Variants in MAMDC2 observed in about 807,000 individuals in gnomAD.
The protein encoded by MAMDC2 is MAM domain-containing protein 2.
Under a neutral mutation model 89.8 loss-of-function variants are expected in MAMDC2, and 57 were observed. That is an observed-to-expected ratio of 0.63 (90% CI 0.51 to 0.79). The LOEUF is 0.79. Ranked by LOEUF, MAMDC2 falls within the 30% of genes least tolerant of loss-of-function variation. MAMDC2 has a pLI of 0.00. For synonymous variants in MAMDC2, 313 were observed against 293.4 expected (o/e 1.07, Z -0.68); for missense variants, 800 against 820.6 (o/e 0.97, Z 0.31).
chr9:70,187,252 C>A (rs1001908593), intron 11 of MAMDC2, among the ~76,000 whole-genome samples: 5 of 151,880 alleles, frequency 3.3e-5, no homozygotes, highest in African/African-American at 9.7e-5. Context: ...TATTATATAT[C>A]CTTCATGCTC....
intron 2 of MAMDC2, among the ~76,000 whole-genome samples, chr9:70,065,247 A>C (rs1827238551): frequency 6.6e-6 from 1 of 152,190 alleles, no homozygotes; most frequent in Non-Finnish European, 1.5e-5. Context: ...TGTGGTGAAC[A>C]TTCTAGTACA....
intron 11 of MAMDC2, among the ~76,000 whole-genome samples, chr9:70,180,054 C>T (rs2032605980): frequency 6.6e-6 from 1 of 151,652 alleles, no homozygotes. Flanking sequence ...TGATGCTCCC[C>T]TCCCTGTGTC....
chr9:70,095,544 TG>T (rs1299629062), intron 2 of MAMDC2, among the ~76,000 whole-genome samples: 1 of 152,086 alleles, frequency 6.6e-6, no homozygotes, highest in Non-Finnish European at 1.5e-5. Context: ...ACTAGATAGC[TG>T]GGGGTTCCAT....
intron 2 of MAMDC2, among the ~76,000 whole-genome samples, chr9:70,063,765 G>A (rs1827202469): frequency 6.6e-6 from 1 of 152,094 alleles, no homozygotes; most frequent in African/African-American, 2.4e-5. Flanking sequence ...CTGTTGAACA[G>A]ATTACAAGCC....
intron 9 of MAMDC2, among the ~76,000 whole-genome samples, chr9:70,148,402 A>G (rs1301104193): frequency 6.7e-6 from 1 of 150,116 alleles, no homozygotes; most frequent in Admixed American, 6.7e-5. Flanking sequence ...AGACACAGCA[A>G]TCTCTCTAGT....
chr9:70,112,917 A>G, intron 4 of MAMDC2, 78 bp from the exon 5 acceptor site: 1 of 1,561,128 alleles, frequency 6.4e-7, no homozygotes, highest in Admixed American at 1.7e-5. Flanking sequence ...TGAATATCTA[A>G]GAGCAAACTC....
At chr9:70,202,105 G>A (rs1311192744) in intron 11 of MAMDC2, among the ~76,000 whole-genome samples, 1 of 151,880 alleles carries the variant, frequency 6.6e-6, no homozygotes, top group Non-Finnish European at 1.5e-5. Context: ...GCTTTTGAAT[G>A]TGTTTGCTCT....
intron 2 of MAMDC2, among the ~76,000 whole-genome samples, chr9:70,071,191 T>A (rs1827399119): frequency 6.6e-6 from 1 of 152,142 alleles, no homozygotes; most frequent in Non-Finnish European, 1.5e-5. Flanking sequence ...GTTTTAAGTA[T>A]CTATTCCTTG....
chr9:70,212,654 G>C (rs1007905058), intron 11 of MAMDC2, among the ~76,000 whole-genome samples: 1 of 152,150 alleles, frequency 6.6e-6, no homozygotes, highest in Non-Finnish European at 1.5e-5. Flanking sequence ...CCAGTGAGAT[G>C]AACCCAGTAC....
chr9:70,044,016 G>A lies in MAMDC2; in HGVS notation c.-182G>A. On this transcript the variant is annotated 5_prime_UTR_variant, in exon 1 of 14. Transcript: ENST00000377182. ...CCATTCGAGCACCTTCCAGCATACCGCTCGGCTCCGGGAGCCGCTCTGCAA... is the reference window on the plus strand; with the variant it reads ...CCATTCGAGCACCTTCCAGCATACCACTCGGCTCCGGGAGCCGCTCTGCAA... The A allele has an allele frequency of 1.5e-6, 1 of 672,768 alleles. No individual in the cohort carries two copies. The highest frequency in any genetic ancestry group is 1.8e-5 in the South Asian group (1 of 54,316). 41.7% of individuals were successfully genotyped at this position (672,768 alleles called of 1,614,324 possible). A position where few individuals can be genotyped will look rare whatever the true frequency, so the allele number is the denominator to read the frequency against.
At chr9:70,188,161 T>C (rs545181462) in intron 11 of MAMDC2, among the ~76,000 whole-genome samples, 18 of 152,320 alleles carry the variant, frequency 1.2e-4, no homozygotes, top group Non-Finnish European at 2.1e-4. Flanking sequence ...ATGAATGGTA[T>C]ATCATTTTCC....
intron 2 of MAMDC2, among the ~76,000 whole-genome samples, chr9:70,053,482 A>G (rs1170882951): frequency 1.3e-5 from 2 of 152,224 alleles, no homozygotes; most frequent in African/African-American, 2.4e-5. Context: ...TAGGGTTCAC[A>G]GTCATGGTCC....
At position 70,044,595 on chromosome 9, in the gene MAMDC2, G is replaced by T. The variant is rs781194011; in HGVS notation, c.46G>T (p.Ala16Ser). ...VLLALQALQL[A>S]GALDLPAGSC... ...CTTTGTGCCCGCAGCCCTGCAGCTC[G>T]CCGGTGCCCTCGACCTGCCCGCTGG... is the stretch of plus-strand genomic sequence containing the variant. The change falls in exon 2 of 14, where the codon GCC (alanine) becomes TCC (serine). Residue 16 changes from alanine to serine, a missense_variant. Coordinates refer to ENST00000377182, the MANE Select transcript of MAMDC2 (RefSeq NM_153267.5). 1 of 1,550,132 alleles carries T rather than the reference G, an allele frequency of 6.5e-7. No individual in the cohort carries two copies. Among genetic ancestry groups the T allele is most frequent in the Non-Finnish European group, 8.7e-7 (1 of 1,146,892 alleles).
At chr9:70,103,902 A>G (rs1264829932) in intron 2 of MAMDC2, among the ~76,000 whole-genome samples, 1 of 151,808 alleles carries the variant, frequency 6.6e-6, no homozygotes, top group African/African-American at 2.4e-5. Flanking sequence ...GAATTGCTTG[A>G]GCCCAGGAGG....
intron 2 of MAMDC2, among the ~76,000 whole-genome samples, chr9:70,055,308 G>C (rs1411165496): frequency 1.3e-5 from 2 of 152,154 alleles, no homozygotes; most frequent in African/African-American, 4.8e-5. Context: ...CAACAATCTT[G>C]AAGGTGGTTA....
At chr9:70,217,491 A>C in intron 11 of MAMDC2, 1 of 1,483,032 alleles carries the variant, frequency 6.7e-7, no homozygotes. Context: ...AGAAACCTTA[A>C]GTTAGAAAGG....
chr9:70,205,903 C>T (rs1214186683), intron 11 of MAMDC2, among the ~76,000 whole-genome samples: 3 of 152,144 alleles, frequency 2.0e-5, no homozygotes, highest in Admixed American at 2.0e-4. Context: ...CTCTGCTTTC[C>T]AAACACATGT....
intron 11 of MAMDC2, among the ~76,000 whole-genome samples, chr9:70,201,946 TTTTC>T (rs1288297773): frequency 2.0e-5 from 3 of 149,082 alleles, no homozygotes; most frequent in African/African-American, 5.0e-5. Flanking sequence ...TTCTCTCTTT[TTTTC>T]TTTATTAGTC....
chr9:70,218,747 T>C (rs1587582298), intron 12 of MAMDC2, 151 bp downstream of exon 12: 1 of 832,966 alleles, frequency 1.2e-6, no homozygotes, highest in Non-Finnish European at 1.7e-6. Flanking sequence ...AATTAGTCTA[T>C]ACATTGATTA....
Sources: allele counts gnomAD v4.1 joint callset (sites outside exome capture counted in the v4.1 genomes callset), GRCh38; gene constraint gnomAD v4.1.1; transcripts MANE v1.5; gene names NCBI Gene and HGNC (gene_info 2026-07-23, HGNC 2026-07-21).